TRAPPC9: variants seen among roughly 807,000 people sequenced by gnomAD.
TRAPPC9 encodes the protein trafficking protein particle complex subunit 9, also known as IKK2 binding protein.
Under a neutral mutation model 124.0 loss-of-function variants are expected in TRAPPC9, and 83 were observed. The observed-to-expected ratio is 0.67, with a 90% confidence interval of 0.56 to 0.80. The LOEUF is 0.80. Among genes scored for constraint, TRAPPC9 ranks in the 30% least tolerant of loss-of-function variants. The pLI, the probability that TRAPPC9 is intolerant of heterozygous loss-of-function variation, is 0.00. For missense variants in TRAPPC9, 1,302 were observed against 1,508.3 expected (o/e 0.86, Z 2.27); for synonymous variants, 638 against 617.5 (o/e 1.03, Z -0.49).
At chr8:140,311,497 G>A (rs561659900) in intron 9 of TRAPPC9, 123 bp from the exon 10 acceptor site, 1 of 1,180,676 alleles carries the variant, frequency 8.5e-7, no homozygotes, top group Non-Finnish European at 1.2e-6. Context: ...GAAATGAAGG[G>A]GCAGTGAGCA....
chr8:140,268,097 CAG>C (rs1157868930), intron 15 of TRAPPC9, among the ~76,000 whole-genome samples: 4 of 151,412 alleles, frequency 2.6e-5, no homozygotes, highest in Admixed American at 2.6e-4. Context: ...ATTTTAGAGA[CAG>C]TTAAAGAAGC....
At chr8:140,089,799 G>T (rs1224980036) in intron 17 of TRAPPC9, among the ~76,000 whole-genome samples, 1 of 151,980 alleles carries the variant, frequency 6.6e-6, no homozygotes, top group Non-Finnish European at 1.5e-5. Flanking sequence ...AGGGCAGGCA[G>T]CTAGGTGTGG....
At chr8:140,295,406 G>A (rs1425533659) in intron 11 of TRAPPC9, among the ~76,000 whole-genome samples, 2 of 152,216 alleles carry the variant, frequency 1.3e-5, no homozygotes, top group African/African-American at 4.8e-5. Flanking sequence ...GTGGGGAGCT[G>A]CAGGGCCAGG....
chr8:140,437,558 A>C (rs2070863223), intron 3 of TRAPPC9, among the ~76,000 whole-genome samples: 1 of 152,194 alleles, frequency 6.6e-6, no homozygotes. Context: ...CAGGAGGCGG[A>C]GATTGCAGTG....
chr8:139,810,200 G>A (rs1223575218), intron 21 of TRAPPC9, among the ~76,000 whole-genome samples: 2 of 152,190 alleles, frequency 1.3e-5, no homozygotes, highest in Non-Finnish European at 2.9e-5. Flanking sequence ...AAGCAAAGAG[G>A]ATGGGTGAGG....
chr8:140,423,579 T>TACACACACACACACACACAC (rs35333495), intron 5 of TRAPPC9, among the ~76,000 whole-genome samples: 22 of 145,350 alleles, frequency 1.5e-4, no homozygotes, highest in African/African-American at 5.7e-4. Flanking sequence ...AAATGTGGCA[T>TACACACACACACACACACAC]ACACACACAC....
rs72683259 is a variant in TRAPPC9, at chr8:139,895,537, A to G, written c.2965-9568T>C. ...TGTCTATTTTTTAAAACGATTTTGAACCATGTGCACCTACTTAAAGTAATA... is the reference window on the plus strand; with the variant it reads ...TGTCTATTTTTTAAAACGATTTTGAGCCATGTGCACCTACTTAAAGTAATA... On this transcript the variant is annotated intron_variant, in intron 20 of 22. Coordinates refer to ENST00000438773, the MANE Select transcript of TRAPPC9 (RefSeq NM_001160372.4). Among the ~76,000 whole-genome samples the G allele has an allele frequency of 7.0e-3, 1,062 of 152,308 alleles. 5 individuals are homozygous for G. Among genetic ancestry groups the G allele is most frequent in the Middle Eastern group, 0.014 (4 of 294 alleles).
intron 18 of TRAPPC9, among the ~76,000 whole-genome samples, chr8:140,003,527 G>A (rs908335739): frequency 6.6e-6 from 1 of 151,350 alleles, no homozygotes; most frequent in African/African-American, 2.4e-5. Context: ...GCTTGAACCT[G>A]GGAGGCACAG....
chr8:139,922,300 C>T (rs1299860191), intron 19 of TRAPPC9, among the ~76,000 whole-genome samples: 1 of 152,030 alleles, frequency 6.6e-6, no homozygotes, highest in Non-Finnish European at 1.5e-5. Flanking sequence ...TCTCCTGTTT[C>T]AGCCTCCTGA....
In TRAPPC9 at chr8:139,788,187, T is replaced by C. The variant is rs1001001459; in HGVS notation, c.3056-55985A>G. Among the ~76,000 whole-genome samples the C allele has an allele frequency of 1.3e-5, 2 of 152,170 alleles. No individual in the cohort carries two copies. The highest frequency in any genetic ancestry group is 6.5e-5 in the Admixed American group (1 of 15,280). On this transcript the variant is annotated intron_variant, in intron 21 of 22. Coordinates refer to ENST00000438773, the MANE Select transcript of TRAPPC9 (RefSeq NM_001160372.4). This position sits in a 1 kb window ranked among gnomAD's most constrained non-coding sequence, Gnocchi z 4.9. ...CCGCCTCCCAGATCAAAAACCCACA[T>C]GCCCCTCTTGGCGCCTGGCAGGGCA...
At chr8:140,240,347 T>G (rs974267038) in intron 16 of TRAPPC9, among the ~76,000 whole-genome samples, 2 of 152,188 alleles carry the variant, frequency 1.3e-5, no homozygotes, top group Non-Finnish European at 2.9e-5. Context: ...CAGCGTCCAA[T>G]GGTGACAGTG....
intron 21 of TRAPPC9, among the ~76,000 whole-genome samples, chr8:139,819,941 G>A (rs1825136774): frequency 7.4e-6 from 1 of 135,430 alleles, no homozygotes. Context: ...CCGGGAGGCA[G>A]AGGTTGCAGT....
In TRAPPC9 at chr8:139,788,078, A is replaced by C. The variant is rs1037440996; in HGVS notation, c.3056-55876T>G. On this transcript the variant is annotated intron_variant, in intron 21 of 22. Coordinates refer to ENST00000438773, the MANE Select transcript of TRAPPC9 (RefSeq NM_001160372.4). This position sits in a 1 kb window ranked among gnomAD's most constrained non-coding sequence, Gnocchi z 4.9. ...CTCAGAACTAGGAACCCGAATTCCA[A>C]CCAGGCTTCAGCCCAGAAGCCACTT... Among the ~76,000 whole-genome samples, 1 of 152,310 alleles carries C rather than the reference A, an allele frequency of 6.6e-6. No homozygotes were observed. The highest frequency in any genetic ancestry group is 1.5e-5 in the Non-Finnish European group (1 of 68,036).
chr8:140,053,307 T>C (rs1427979596), intron 17 of TRAPPC9, among the ~76,000 whole-genome samples: 1 of 152,214 alleles, frequency 6.6e-6, no homozygotes, highest in African/African-American at 2.4e-5. Flanking sequence ...AGCACCAGGA[T>C]GAGGCTGACC....
chr8:140,235,960 G>T (rs1000461770), intron 16 of TRAPPC9, among the ~76,000 whole-genome samples: 1 of 151,244 alleles, frequency 6.6e-6, no homozygotes, highest in East Asian at 1.9e-4. Context: ...TGTGGAGGAA[G>T]AAGGAAAAAA....
In TRAPPC9 at chr8:140,127,183, G is replaced by A. The variant is rs568047255; in HGVS notation, c.2556+94276C>T. On this transcript the variant is annotated intron_variant, in intron 17 of 22. Coordinates refer to ENST00000438773, the MANE Select transcript of TRAPPC9 (RefSeq NM_001160372.4). Reference sequence around the variant, plus strand: ...CTTGGCTCAAAGGAGATGTCTAATCGTTGTTTCTCTCAAACATGCAGGTTT... The same window carrying A: ...CTTGGCTCAAAGGAGATGTCTAATCATTGTTTCTCTCAAACATGCAGGTTT... Among the ~76,000 whole-genome samples, 284 of 152,242 alleles carry A rather than the reference G, an allele frequency of 1.9e-3. 2 individuals carry two copies. Among genetic ancestry groups the A allele is most frequent in the African/African-American group, 5.9e-3 (245 of 41,540 alleles).
chr8:139,819,575 C>T (rs1036515816), intron 21 of TRAPPC9, among the ~76,000 whole-genome samples: 1 of 152,170 alleles, frequency 6.6e-6, no homozygotes, highest in Non-Finnish European at 1.5e-5. Flanking sequence ...AGTAGTATTT[C>T]AGAGACAACT....
At chr8:140,044,376 A>G (rs1343000048) in intron 17 of TRAPPC9, among the ~76,000 whole-genome samples, 1 of 152,008 alleles carries the variant, frequency 6.6e-6, no homozygotes, top group African/African-American at 2.4e-5. Context: ...TTCCCCTACA[A>G]CCACTCATGG....
intron 19 of TRAPPC9, among the ~76,000 whole-genome samples, chr8:139,930,936 C>A (rs1434744463): frequency 6.6e-6 from 1 of 152,076 alleles, no homozygotes; most frequent in East Asian, 1.9e-4. Context: ...GGTGGTGCCC[C>A]CTTTCATAGG....
Sources: allele counts gnomAD v4.1 joint callset (sites outside exome capture counted in the v4.1 genomes callset), GRCh38; gene constraint gnomAD v4.1.1; non-coding constraint Gnocchi (gnomAD v3.1); transcripts MANE v1.5; gene names NCBI Gene and HGNC (gene_info 2026-07-23, HGNC 2026-07-21).